Variants in MBOAT1 observed in about 807,000 individuals in gnomAD.
MBOAT1 encodes the protein membrane-bound glycerophospholipid O-acyltransferase 1.
A neutral mutation model predicts 64.4 loss-of-function variants in MBOAT1; 67 were observed. The observed-to-expected ratio is 1.04, with a 90% CI of 0.85 to 1.27. The LOEUF is 1.27. MBOAT1 is among the 50% of genes most tolerant of loss of function. MBOAT1 has a pLI of 0.00. For missense variants in MBOAT1, 563 were observed against 604.6 expected (o/e 0.93, Z 0.72); for synonymous variants, 229 against 218.9 (o/e 1.05, Z -0.41).
intron 1 of MBOAT1, among the ~76,000 whole-genome samples, chr6:20,154,858 A>C (rs1193787745): frequency 6.6e-6 from 1 of 152,218 alleles, no homozygotes; most frequent in African/African-American, 2.4e-5. Context: ...TCAATGTCTC[A>C]TTTTAAACTG....
rs188303412 is a variant in MBOAT1 at position 20,156,461 on chromosome 6, C to T, written c.100-3692G>A. The stretch of plus-strand genomic sequence containing the variant: ...ATCCTGGATGGCCAGCGGAGTGCTC[C>T]ATGGCAAACTGCTCTAAAGCAAAAG... On this transcript the variant is annotated intron_variant, in intron 1 of 12. Coordinates refer to ENST00000324607, the MANE Select transcript of MBOAT1 (RefSeq NM_001080480.3). Among the ~76,000 whole-genome samples, 11 of 152,214 alleles carry T rather than the reference C, an allele frequency of 7.2e-5. No homozygotes were observed. In the East Asian group the frequency reaches 2.1e-3, roughly 29 times the overall value.
At chr6:20,143,207 G>A (rs901801268) in intron 4 of MBOAT1, among the ~76,000 whole-genome samples, 1 of 152,208 alleles carries the variant, frequency 6.6e-6, no homozygotes, top group African/African-American at 2.4e-5. Flanking sequence ...GAACAGCTCT[G>A]CTGTAATGTT....
intron 10 of MBOAT1, among the ~76,000 whole-genome samples, chr6:20,114,220 C>A (rs1457635278): frequency 6.6e-6 from 1 of 152,126 alleles, no homozygotes. Context: ...AGTGTTTTGA[C>A]CCATGAAAGA....
chr6:20,123,218 A>T (rs1044889335), intron 8 of MBOAT1, among the ~76,000 whole-genome samples: 5 of 152,154 alleles, frequency 3.3e-5, no homozygotes, highest in Non-Finnish European at 5.9e-5. Context: ...GAACTGAGAG[A>T]GAAGAGGAAC....
chr6:20,161,957 C>T (rs1338565527), intron 1 of MBOAT1, among the ~76,000 whole-genome samples: 1 of 152,006 alleles, frequency 6.6e-6, no homozygotes, highest in Non-Finnish European at 1.5e-5. Context: ...TTGAGGGTGT[C>T]GGCAGGGTTG....
intron 12 of MBOAT1, among the ~76,000 whole-genome samples, chr6:20,107,309 C>T (rs754299867): frequency 4.6e-5 from 7 of 152,272 alleles, no homozygotes; most frequent in East Asian, 3.9e-4. Context: ...CTCGGAGCTT[C>T]GTGCTACACT....
At chr6:20,106,600 A>C (rs1759963460) in intron 12 of MBOAT1, among the ~76,000 whole-genome samples, 1 of 151,928 alleles carries the variant, frequency 6.6e-6, no homozygotes, top group Admixed American at 6.6e-5. Context: ...TTTTTTGTAT[A>C]ATTAGTACAG....
At chr6:20,120,204 A>T (rs1159822469) in intron 8 of MBOAT1, among the ~76,000 whole-genome samples, 1 of 152,130 alleles carries the variant, frequency 6.6e-6, no homozygotes, top group Non-Finnish European at 1.5e-5. Context: ...GAATCATCTA[A>T]CGTCTAAAAA....
intron 1 of MBOAT1, among the ~76,000 whole-genome samples, chr6:20,168,747 G>GAGGA (rs58240704): frequency 0.045 from 4,034 of 88,902 alleles, 148 homozygotes; most frequent in African/African-American, 0.069. Context: ...GGGAGGGAGG[G>GAGGA]AGGAAGGAAG....
At chr6:20,138,816 A>T (rs899467386) in intron 4 of MBOAT1, among the ~76,000 whole-genome samples, 2 of 152,204 alleles carry the variant, frequency 1.3e-5, no homozygotes, top group African/African-American at 2.4e-5. Flanking sequence ...AACAACAAAA[A>T]TGTCTTCTCT....
rs1468421301 is a variant in MBOAT1 at position 20,102,112 on chromosome 6, C to G, written c.*174G>C. 1.8e-5 allele frequency: 5 copies of G among 275,472 alleles called. No homozygotes were observed. The African/African-American group carries it at 4.6e-4, about 25-fold the overall frequency. The allele number at this position is 275,472 out of a possible 1,614,324, so 17.1% of individuals were successfully genotyped here. On this transcript the variant is annotated 3_prime_UTR_variant, in exon 13 of 13. Transcript: ENST00000324607. ...CCTGGGCGACAGAGCGAGACTCCGT[C>G]TCAAAAAAAAAAAAAAAAAAAAAAA...
intron 10 of MBOAT1, among the ~76,000 whole-genome samples, chr6:20,114,360 G>A (rs1760258235): frequency 6.6e-6 from 1 of 152,160 alleles, no homozygotes; most frequent in Non-Finnish European, 1.5e-5. Context: ...TATTATTTCT[G>A]TAGTAAATAA....
chr6:20,109,588 G>T lies in MBOAT1; in HGVS notation c.1361+10C>A, dbSNP rs759323060. ...TTACGAGATGGCAACTGAGAACAAC[G>T]GAAACTTACTTGTATAAGCTGATGG... On this transcript the variant is annotated intron_variant, in intron 12 of 12. Coordinates refer to ENST00000324607, the MANE Select transcript of MBOAT1 (RefSeq NM_001080480.3). The T allele has an allele frequency of 1.9e-6, 3 of 1,604,646 alleles. No homozygotes were observed. The highest frequency in any genetic ancestry group is 2.6e-6 in the Non-Finnish European group (3 of 1,173,932).
At chr6:20,119,680 C>G (rs1760435263) in intron 8 of MBOAT1, among the ~76,000 whole-genome samples, 1 of 152,134 alleles carries the variant, frequency 6.6e-6, no homozygotes, top group African/African-American at 2.4e-5. Context: ...TGAAAGAGAC[C>G]AAGTCCTTCT....
chr6:20,203,801 A>G (rs895227003), intron 1 of MBOAT1, among the ~76,000 whole-genome samples: 53 of 118,190 alleles, frequency 4.5e-4, no homozygotes, highest in African/African-American at 1.9e-3. Context: ...GGGCCCGTTT[A>G]AAAAAAAAAA....
chr6:20,149,704 T>C (rs543049930), intron 3 of MBOAT1, among the ~76,000 whole-genome samples: 5 of 152,290 alleles, frequency 3.3e-5, no homozygotes, highest in African/African-American at 9.6e-5. Context: ...TTGGATTCTA[T>C]GTTGAATGAC....
chr6:20,155,814 CTAAG>C (rs994283415), intron 1 of MBOAT1, among the ~76,000 whole-genome samples: 1 of 152,176 alleles, frequency 6.6e-6, no homozygotes, highest in Admixed American at 6.5e-5. Context: ...CAAATAACCT[CTAAG>C]TAAGAGCTAT....
At chr6:20,210,833 T>A (rs949673605) in intron 1 of MBOAT1, among the ~76,000 whole-genome samples, 9 of 152,162 alleles carry the variant, frequency 5.9e-5, no homozygotes, top group African/African-American at 1.9e-4. Context: ...TACCTTCTGA[T>A]AGGGAGTGGA....
chr6:20,154,156 GC>G (rs1345193440), intron 1 of MBOAT1, among the ~76,000 whole-genome samples: 1 of 152,188 alleles, frequency 6.6e-6, no homozygotes, highest in Non-Finnish European at 1.5e-5. Flanking sequence ...CATTTTGTTT[GC>G]CCAGTGAAAA....
Sources: gnomAD v4.1 joint callset for allele counts (sites outside exome capture counted in the v4.1 genomes callset) on GRCh38, gnomAD v4.1.1 for gene constraint, MANE v1.5 for transcripts, NCBI Gene and HGNC (gene_info 2026-07-23, HGNC 2026-07-21) for gene names.